NRL: variants seen among roughly 807,000 people sequenced by gnomAD.
The protein encoded by NRL is neural retina-specific leucine zipper protein.
In NRL, 16 loss-of-function variants were observed where a neutral mutation model predicts 12.5. The ratio of observed to expected loss-of-function variants is 1.28; its 90% CI spans 0.87 to 1.95. The LOEUF (loss-of-function observed/expected upper bound fraction) is 1.95. Ranked by LOEUF, NRL falls within the 30% of genes most tolerant of loss-of-function variation. The pLI, the probability that NRL is intolerant of heterozygous loss-of-function variation, is 0.00. For missense variants in NRL, 314 were observed against 325.8 expected, an observed-to-expected ratio of 0.96 and a Z score of 0.28; for synonymous variants, 142 against 150.9, an observed-to-expected ratio of 0.94 and a Z score of 0.43.
At chr14:24,089,707 GA>G (rs1466273158) in intron 1 of NRL, among the ~76,000 whole-genome samples, 2 of 152,166 alleles carry the variant, frequency 1.3e-5, no homozygotes, top group African/African-American at 4.8e-5. Flanking sequence ...TTTCTTCCAC[GA>G]AGACATACTC....
At position 24,094,665 on chromosome 14, in the gene NRL, C is replaced by A; in HGVS notation, c.-27-11790G>T. Reference sequence around the variant, plus strand: ...ACCTCCCCTTCTCTGCCTCGCTCGCCTCTGACCGCGCGATCTCTATCTGCC... The same window carrying A: ...ACCTCCCCTTCTCTGCCTCGCTCGCATCTGACCGCGCGATCTCTATCTGCC... On this transcript the variant is annotated intron_variant, in intron 1 of 2. Coordinates refer to ENST00000561028, the MANE Select transcript of NRL (RefSeq NM_001354768.3). This position sits in a 1 kb window ranked among gnomAD's most constrained non-coding sequence, Gnocchi z 4.1. 1 of 1,513,456 alleles carries A rather than the reference C, an allele frequency of 6.6e-7. No homozygotes were observed. The allele number at this position is 1,513,456 out of a possible 1,614,324, so 93.8% of individuals were successfully genotyped here.
chr14:24,098,671 A>G (rs773617387), intron 1 of NRL: 1 of 1,613,534 alleles, frequency 6.2e-7, no homozygotes, highest in Non-Finnish European at 8.5e-7. Flanking sequence ...AGCCCCTGAC[A>G]GGACAAGGTA....
At chr14:24,103,251 C>T in intron 1 of NRL, 7 of 1,611,056 alleles carry the variant, frequency 4.3e-6, no homozygotes, top group Non-Finnish European at 5.9e-6. Context: ...CAGCAGAACA[C>T]AAAGGTGAGC....
chr14:24,100,642 C>A, intron 1 of NRL: 1 of 966,828 alleles, frequency 1.0e-6, no homozygotes, highest in Non-Finnish European at 1.2e-6. Flanking sequence ...GCTCCAAGCA[C>A]TATCCATAAA....
chr14:24,101,875 A>G (rs954314894), intron 1 of NRL, among the ~76,000 whole-genome samples: 1 of 151,984 alleles, frequency 6.6e-6, no homozygotes, highest in African/African-American at 2.4e-5. Context: ...AGATCATGCC[A>G]CTGCACTCCA....
chr14:24,097,102 G>C (rs761950710), intron 1 of NRL: 2 of 1,613,962 alleles, frequency 1.2e-6, no homozygotes, highest in South Asian at 2.2e-5. Flanking sequence ...TGGAGCAGCA[G>C]GGCCTCATCC....
intron 1 of NRL, among the ~76,000 whole-genome samples, chr14:24,097,667 A>C (rs1030713091): frequency 6.6e-6 from 1 of 151,518 alleles, no homozygotes; most frequent in Non-Finnish European, 1.5e-5. Context: ...AGCTCACAAC[A>C]ACCTCTGCCT....
At chr14:24,099,465 C>A in intron 1 of NRL, 1 of 1,222,610 alleles carries the variant, frequency 8.2e-7, no homozygotes, top group Non-Finnish European at 1.1e-6. Flanking sequence ...AAACATTGGT[C>A]CTCCCTATTA....
At chr14:24,103,156 C>A (rs1479898224) in intron 1 of NRL, 14 of 1,611,002 alleles carry the variant, frequency 8.7e-6, no homozygotes, top group Non-Finnish European at 1.2e-5. Context: ...CATTGGTGAT[C>A]TAGGGGTACC....
At chr14:24,108,497 A>C (rs1013981186) in intron 1 of NRL, among the ~76,000 whole-genome samples, 1 of 150,322 alleles carries the variant, frequency 6.7e-6, no homozygotes, top group African/African-American at 2.4e-5. Flanking sequence ...ACACCTGGCT[A>C]ATTTTTTTTT....
intron 1 of NRL, among the ~76,000 whole-genome samples, chr14:24,111,815 G>A (rs111571758): frequency 0.035 from 4,902 of 140,314 alleles, 108 homozygotes; most frequent in Middle Eastern, 0.048. Flanking sequence ...TTTCCTAATT[G>A]AATACCCTTT....
Position 24,094,149 on chromosome 14 carries a change from G to A in NRL, c.-27-11274C>T, listed in dbSNP as rs559361723. 212 of 545,168 alleles carry A rather than the reference G, an allele frequency of 3.9e-4. 1 individual carries two copies. The East Asian group carries it at 7.3e-3, about 19-fold the overall frequency. The allele number at this position is 545,168 out of a possible 1,614,324, so 33.8% of individuals were successfully genotyped here. A position where few individuals can be genotyped will look rare whatever the true frequency, so the allele number is the denominator to read the frequency against. ...GGAGAGATGGGTTTGGCGGTTTGGA[G>A]GCAGGGGTTGGGGCGGCGGCTGGGC... On this transcript the variant is annotated intron_variant, in intron 1 of 2. Transcript: ENST00000561028. The surrounding 1 kb of genome is among the most constrained non-coding windows in gnomAD (Gnocchi z 4.1).
At chr14:24,102,623 C>T (rs2037205278) in intron 1 of NRL, 6 of 738,032 alleles carry the variant, frequency 8.1e-6, no homozygotes, top group South Asian at 7.8e-5. Context: ...TGCTCCTTAT[C>T]ACACAAGGTT....
chr14:24,113,121 T>C (rs1309310331), intron 1 of NRL, among the ~76,000 whole-genome samples: 1 of 56,416 alleles, frequency 1.8e-5, no homozygotes, highest in Non-Finnish European at 3.5e-5. Context: ...CAGTAAACTA[T>C]CGCAAGAACA....
At position 24,114,857 on chromosome 14, in the gene NRL, A is replaced by G. The variant is rs2037503125; in HGVS notation, c.-163T>C. ...CGCGTGACGGAGGAGCGGTTGGCCA[A>G]CGCAGTGGCGGCAGTCGGTGTAAAC... On this transcript the variant is annotated 5_prime_UTR_variant, in exon 1 of 3. Coordinates refer to ENST00000561028, the MANE Select transcript of NRL (RefSeq NM_001354768.3). 1.0e-6 allele frequency: 1 copy of G among 985,810 alleles called. No individual in the cohort carries two copies. The highest frequency in any genetic ancestry group is 1.2e-6 in the Non-Finnish European group (1 of 829,956). The allele number at this position is 985,810 out of a possible 1,614,324, so 61.1% of individuals were successfully genotyped here. A position where few individuals can be genotyped will look rare whatever the true frequency, so the allele number is the denominator to read the frequency against.
At position 24,094,428 on chromosome 14, in the gene NRL, G is replaced by A; in HGVS notation, c.-27-11553C>T. ...GCCATGGCCGCATTGTACCGCCCTG[G>A]CCTGCGGTGAGTGACCCCCGGCCCG... On this transcript the variant is annotated intron_variant, in intron 1 of 2. Coordinates refer to ENST00000561028, the MANE Select transcript of NRL (RefSeq NM_001354768.3). The surrounding 1 kb of genome is among the most constrained non-coding windows in gnomAD (Gnocchi z 4.1). 6.4e-7 allele frequency: 1 copy of A among 1,552,948 alleles called. No homozygotes were observed.
intron 1 of NRL, chr14:24,099,713 C>T: frequency 6.2e-7 from 1 of 1,613,546 alleles, no homozygotes; most frequent in South Asian, 1.1e-5. Flanking sequence ...TGAGGTTTGA[C>T]AGTGAAGGTG....
chr14:24,111,456 C>G (rs186146024), intron 1 of NRL, among the ~76,000 whole-genome samples: 90 of 152,198 alleles, frequency 5.9e-4, no homozygotes, highest in Admixed American at 5.4e-3. Flanking sequence ...TCAATGCAAC[C>G]TCCACCTCCC....
intron 1 of NRL, chr14:24,099,427 T>C (rs1252885314): frequency 9.6e-7 from 1 of 1,046,614 alleles, no homozygotes; most frequent in Non-Finnish European, 1.4e-6. Context: ...CCAGGCCTGA[T>C]GGCAGGGCAA....
Sources: allele counts gnomAD v4.1 joint callset (sites outside exome capture counted in the v4.1 genomes callset), GRCh38; gene constraint gnomAD v4.1.1; non-coding constraint Gnocchi (gnomAD v3.1); transcripts MANE v1.5; gene names NCBI Gene and HGNC (gene_info 2026-07-23, HGNC 2026-07-21).